The following CFAP52 variants were observed in gnomAD, a reference collection of about 807,000 sequenced individuals.
CFAP52 encodes cilia and flagella associated protein 52, also known as cilia- and flagella-associated protein 52.
CFAP52 carries 57 observed loss-of-function variants against 70.5 expected under a neutral mutation model. That is an observed-to-expected ratio of 0.81 (90% CI 0.65 to 1.01). The LOEUF (loss-of-function observed/expected upper bound fraction) is 1.01, where lower values mean the gene tolerates loss of function less well. CFAP52 is among the 50% of genes least tolerant of loss of function. CFAP52 has a pLI of 0.00. For missense variants in CFAP52, 785 were observed against 788.5 expected, an observed-to-expected ratio of 1.00 and a Z score of 0.05; for synonymous variants, 267 against 292.5, an observed-to-expected ratio of 0.91 and a Z score of 0.89.
At chr17:9,626,433 T>C (rs1410058499) in intron 8 of CFAP52, among the ~76,000 whole-genome samples, 1 of 152,196 alleles carries the variant, frequency 6.6e-6, no homozygotes, top group Non-Finnish European at 1.5e-5. Context: ...TTTTGCCATG[T>C]TGGCCAGGCT....
intron 3 of CFAP52, chr17:9,590,148 C>G (rs1908682764): frequency 5.1e-6 from 1 of 195,186 alleles, no homozygotes; most frequent in Non-Finnish European, 1.1e-5. Context: ...GGTGATCAAT[C>G]TTCTTCGATC....
rs113576151 is a variant in CFAP52, at chr17:9,628,693, A to T, written c.1047A>T (p.Ala349=). ...VFPFGTAELF[A]TCAKKDIRVW... ...GCAGTGGCACTGCTGAGCTATTTGC[A>T]ACCTGTGCCAAGAAGGATATCAGGG... is the stretch of plus-strand genomic sequence containing the variant. Residue 349 remains alanine, a synonymous_variant, in exon 9 of 14, where the codon GCA becomes GCT. Coordinates refer to ENST00000352665, the MANE Select transcript of CFAP52 (RefSeq NM_145054.5). 2.2e-4 allele frequency: 353 copies of T among 1,614,102 alleles called. 2 individuals carry two copies. The African/African-American group carries it at 3.8e-3, about 18-fold the overall frequency.
At chr17:9,586,856 C>G in intron 3 of CFAP52, 22 bp downstream of exon 3, 3 of 1,562,972 alleles carry the variant, frequency 1.9e-6, no homozygotes, top group African/African-American at 1.4e-5. Context: ...AACATAGTTA[C>G]TTATTTTCTT....
chr17:9,579,860 G>A (rs940117218), intron 1 of CFAP52, among the ~76,000 whole-genome samples: 5 of 152,178 alleles, frequency 3.3e-5, no homozygotes, highest in South Asian at 4.1e-4. Context: ...GAGCCACTGC[G>A]ACTGGCCTTA....
chr17:9,585,428 G>A (rs913529053), intron 1 of CFAP52, among the ~76,000 whole-genome samples: 1 of 152,140 alleles, frequency 6.6e-6, no homozygotes, highest in African/African-American at 2.4e-5. Flanking sequence ...CAGCACTTTG[G>A]GAGGCTAAGG....
intron 1 of CFAP52, chr17:9,584,114 T>G: frequency 9.4e-7 from 1 of 1,069,360 alleles, no homozygotes; most frequent in South Asian, 1.8e-5. Flanking sequence ...TCTGCCCTGT[T>G]CTTACCAGGC....
rs374966471 is a variant in CFAP52 at position 9,600,199 on chromosome 17, C to T, written c.753+16C>T. On this transcript the variant is annotated intron_variant, in intron 6 of 13. Coordinates refer to ENST00000352665, the MANE Select transcript of CFAP52 (RefSeq NM_145054.5). ...ATTCAGTTTGGTGAGTAGAGACCATCGCCACTGCCCTGCCATTTTTCTCCC... is the reference window on the plus strand; with the variant it reads ...ATTCAGTTTGGTGAGTAGAGACCATTGCCACTGCCCTGCCATTTTTCTCCC... 2.2e-5 allele frequency: 35 copies of T among 1,597,658 alleles called. No individual in the cohort carries two copies. Among genetic ancestry groups the T allele is most frequent in the Admixed American group, 1.3e-4 (8 of 59,382 alleles).
chr17:9,584,576 TAAGATCAA>T (rs1177082669), intron 1 of CFAP52, among the ~76,000 whole-genome samples: 1 of 139,352 alleles, frequency 7.2e-6, no homozygotes, highest in African/African-American at 2.6e-5. Context: ...TGAAAACACT[TAAGATCAA>T]CTCTTTTAGC....
chr17:9,641,717 A>G lies in CFAP52; in HGVS notation c.1576-7A>G, dbSNP rs775386115. On this transcript the variant is annotated splice_polypyrimidine_tract_variant and splice_region_variant and intron_variant, in intron 12 of 13. Transcript: ENST00000352665. ...GTCCTGCTTAATGCTTCTTTCCTGAATTCCAGATTGCTTACTGGGAAGTAT... is the reference window on the plus strand; with the variant it reads ...GTCCTGCTTAATGCTTCTTTCCTGAGTTCCAGATTGCTTACTGGGAAGTAT... 1.2e-6 allele frequency: 2 copies of G among 1,607,386 alleles called. No individual in the cohort carries two copies. Among genetic ancestry groups the G allele is most frequent in the South Asian group, 2.2e-5 (2 of 90,908 alleles).
intron 13 of CFAP52, among the ~76,000 whole-genome samples, chr17:9,642,502 T>C (rs1264555347): frequency 1.3e-5 from 2 of 152,156 alleles, no homozygotes; most frequent in African/African-American, 4.8e-5. Context: ...TGCACGCCTA[T>C]AATCCCAGCT....
Position 9,638,404 on chromosome 17 carries a change from C to T in CFAP52, c.1473-205C>T, listed in dbSNP as rs146620915. ...CTCTGGTGGTCACTGATAGGCCAAC[C>T]GGAGTACACAGAAGTAGAGAGGACA... is the stretch of plus-strand genomic sequence containing the variant. On this transcript the variant is annotated intron_variant, in intron 11 of 13. Coordinates refer to ENST00000352665, the MANE Select transcript of CFAP52 (RefSeq NM_145054.5). Among the ~76,000 whole-genome samples the T allele has an allele frequency of 4.8e-3, 733 of 152,222 alleles. 4 individuals carry two copies. Among genetic ancestry groups the T allele is most frequent in the African/African-American group, 0.017 (694 of 41,528 alleles).
rs1198350086 is a variant in CFAP52 at position 9,631,061 on chromosome 17, A to G, written c.1175-1827A>G. Among the ~76,000 whole-genome samples, 129 of 122,400 alleles carry G rather than the reference A, an allele frequency of 1.1e-3. 9 individuals are homozygous for G. Among genetic ancestry groups the G allele is most frequent in the African/African-American group, 4.1e-3 (123 of 29,768 alleles). 80.3% of individuals were successfully genotyped at this position (122,400 alleles called of 152,430 possible). A position where few individuals can be genotyped will look rare whatever the true frequency, so the allele number is the denominator to read the frequency against. Reference sequence around the variant, plus strand: ...GAGAGAGAGAGAGAGAGAGAAAGAAAGAAAGAAAGAAAGAAAGAAAGAGAA... The same window carrying G: ...GAGAGAGAGAGAGAGAGAGAAAGAAGGAAAGAAAGAAAGAAAGAAAGAGAA... On this transcript the variant is annotated intron_variant, in intron 9 of 13. Transcript: ENST00000352665.
chr17:9,611,947 G>T (rs1396310436), intron 7 of CFAP52, among the ~76,000 whole-genome samples: 1 of 152,078 alleles, frequency 6.6e-6, no homozygotes, highest in Non-Finnish European at 1.5e-5. Flanking sequence ...TCTTCCCCCT[G>T]ATTTTAGGAT....
At chr17:9,638,986 TA>T (rs1910933350) in intron 12 of CFAP52, 5 of 408,172 alleles carry the variant, frequency 1.2e-5, no homozygotes, top group Non-Finnish European at 2.2e-5. Flanking sequence ...ACATAGTAGG[TA>T]CTCAATAGAT....
In CFAP52 at chr17:9,598,330, T is replaced by C. The variant is rs1266554673; in HGVS notation, c.633T>C (p.Ile211=). 1 of 1,608,630 alleles carries C rather than the reference T, an allele frequency of 6.2e-7. No homozygotes were observed. The highest frequency in any genetic ancestry group is 1.3e-5 in the African/African-American group (1 of 74,636). ...AGTTGAAAAGAATAGTCATGAGTAT[T>C]GGAGTAAGTATTAATTTAAGTATTA... ...TGQLKRIVMS[I]GVDDDDSFFY... Residue 211 remains isoleucine, a synonymous_variant, in exon 5 of 14, where the codon ATT becomes ATC. Coordinates refer to ENST00000352665, the MANE Select transcript of CFAP52 (RefSeq NM_145054.5).
rs555833186 is a variant in CFAP52, at chr17:9,578,110, TAAAC to T, written c.70+1355_70+1358del. ...CCGTCTCAAAAAATAAATAAATAAATAAACAAACAAACATACATATTCAACAGGT... is the reference window on the plus strand; with the variant it reads ...CCGTCTCAAAAAATAAATAAATAAATAAACAAACATACATATTCAACAGGT... On this transcript the variant is annotated intron_variant, in intron 1 of 13. Transcript: ENST00000352665. Among the ~76,000 whole-genome samples the T allele has an allele frequency of 1.2e-3, 187 of 152,050 alleles. 1 individual carries two copies. Among genetic ancestry groups the T allele is most frequent in the Non-Finnish European group, 2.1e-3 (141 of 67,928 alleles).
At chr17:9,609,071 T>A (rs1443008450) in intron 7 of CFAP52, among the ~76,000 whole-genome samples, 1 of 152,090 alleles carries the variant, frequency 6.6e-6, no homozygotes, top group African/African-American at 2.4e-5. Context: ...ACCCCACACA[T>A]GTGCTTTATG....
chr17:9,628,645 T>A (rs751688968), intron 8 of CFAP52, 27 bp from the exon 9 acceptor site: 2 of 1,603,176 alleles, frequency 1.2e-6, no homozygotes, highest in South Asian at 1.1e-5. Context: ...TCTTTTATGG[T>A]TGCATCTCTT....
intron 3 of CFAP52, among the ~76,000 whole-genome samples, chr17:9,588,396 T>G (rs1009317606): frequency 6.6e-6 from 1 of 152,156 alleles, no homozygotes; most frequent in East Asian, 1.9e-4. Flanking sequence ...AGAGTTAAGT[T>G]GCTGACCCTG....
Sources: gnomAD v4.1 joint callset for allele counts (sites outside exome capture counted in the v4.1 genomes callset) on GRCh38, gnomAD v4.1.1 for gene constraint, MANE v1.5 for transcripts, NCBI Gene and HGNC (gene_info 2026-07-23, HGNC 2026-07-21) for gene names.